The following MCC variants were observed in gnomAD, a reference collection of about 807,000 sequenced individuals.
MCC encodes the protein MCC regulator of Wnt signaling pathway, also known as colorectal mutant cancer protein.
MCC carries 90 observed loss-of-function variants against 116.2 expected under a neutral mutation model. The observed-to-expected ratio is 0.77, with a 90% CI of 0.65 to 0.92. The LOEUF (loss-of-function observed/expected upper bound fraction) is 0.92, where lower values mean the gene tolerates loss of function less well. Ranked by LOEUF, MCC falls within the 40% of genes least tolerant of loss-of-function variation. The probability of loss-of-function intolerance (pLI) is 0.00; values close to 1 mark genes in which losing one functional copy is unlikely to be tolerated. For synonymous variants in MCC, 578 were observed against 510.5 expected, an observed-to-expected ratio of 1.13 and a Z score of -1.78; for missense variants, 1,516 against 1,312.2, an observed-to-expected ratio of 1.16 and a Z score of -2.40.
At chr5:113,363,051 G>A (rs1041567056) in intron 2 of MCC, among the ~76,000 whole-genome samples, 5 of 152,142 alleles carry the variant, frequency 3.3e-5, no homozygotes, top group South Asian at 2.1e-4. Context: ...AGACAGAGGC[G>A]GGCGGATCAC....
intron 2 of MCC, among the ~76,000 whole-genome samples, chr5:113,383,125 T>C (rs903958558): frequency 2.0e-5 from 3 of 150,266 alleles, no homozygotes; most frequent in Admixed American, 1.3e-4. Context: ...AAATATCTAC[T>C]ACACATAAAC....
At chr5:113,223,445 G>T (rs1170454288) in intron 3 of MCC, among the ~76,000 whole-genome samples, 1 of 152,038 alleles carries the variant, frequency 6.6e-6, no homozygotes, top group Non-Finnish European at 1.5e-5. Flanking sequence ...TCTGGCCCTG[G>T]GGATGCGTTT....
intron 5 of MCC, among the ~76,000 whole-genome samples, chr5:113,132,382 AC>A (rs1358894061): frequency 3.2e-5 from 4 of 126,416 alleles, no homozygotes; most frequent in Non-Finnish European, 5.2e-5. Flanking sequence ...GTATATATAT[AC>A]ATACATATAT....
At position 113,046,710 on chromosome 5, in the gene MCC, A is replaced by AAAAAAG; in HGVS notation, c.2655+2382_2655+2383insCTTTTT. Reference sequence around the variant, plus strand: ...CAAAAAAAAAAAAAAAAAAAAAAAAAAGAGAGAGATTTTGAAGGTGTTTGT... The same window carrying AAAAAAG: ...CAAAAAAAAAAAAAAAAAAAAAAAAAAAAAAGAGAGAGAGATTTTGAAGGTGTTTGT... On this transcript the variant is annotated intron_variant, in intron 16 of 18. Transcript: ENST00000408903. Among the ~76,000 whole-genome samples the AAAAAAG allele has an allele frequency of 1.4e-3, 144 of 102,460 alleles. 20 individuals are homozygous for AAAAAAG. The highest frequency in any genetic ancestry group is 4.0e-3 in the African/African-American group (100 of 25,082). The allele number at this position is 102,460 out of a possible 152,430, so 67.2% of individuals were successfully genotyped here.
At chr5:113,156,293 G>A (rs1014216054) in intron 3 of MCC, among the ~76,000 whole-genome samples, 3 of 152,220 alleles carry the variant, frequency 2.0e-5, no homozygotes, top group African/African-American at 7.2e-5. Context: ...TATGCCACTT[G>A]TTGGTGGACT....
At chr5:113,277,020 TATG>T (rs1765856621) in intron 3 of MCC, among the ~76,000 whole-genome samples, 1 of 151,718 alleles carries the variant, frequency 6.6e-6, no homozygotes, top group South Asian at 2.1e-4. Context: ...AAAACTCAAG[TATG>T]ATCCCTTTAA....
intron 17 of MCC, among the ~76,000 whole-genome samples, chr5:113,031,697 A>G (rs188774375): frequency 6.6e-6 from 1 of 152,198 alleles, no homozygotes; most frequent in East Asian, 1.9e-4. Context: ...CCCCACTCCT[A>G]TCCACACTCA....
chr5:113,387,955 C>T (rs751176829), intron 1 of MCC, among the ~76,000 whole-genome samples: 6 of 152,220 alleles, frequency 3.9e-5, no homozygotes, highest in Non-Finnish European at 7.4e-5. Flanking sequence ...GAATACTGAA[C>T]GGAACTGACT....
chr5:113,419,044 T>G (rs1561561342), intron 1 of MCC, among the ~76,000 whole-genome samples: 1 of 152,198 alleles, frequency 6.6e-6, no homozygotes, highest in Admixed American at 6.5e-5. Flanking sequence ...CTAAGAACGT[T>G]AAACACAGAA....
In MCC at chr5:113,023,908, A is replaced by G. The variant is rs1004807644; in HGVS notation, c.*3394T>C. On this transcript the variant is annotated 3_prime_UTR_variant, in exon 19 of 19. Transcript: ENST00000408903. ...AGCAACTATGGAGGTTCTTTAATTC[A>G]TGCCAGGGACACAGGCAGTCCAATC... 6.6e-6 allele frequency: 1 copy of G among 152,254 alleles called. No homozygotes were observed. The allele number at this position is 152,254 out of a possible 1,614,324, so 9.4% of individuals were successfully genotyped here.
At chr5:113,383,324 A>G (rs1310980852) in intron 2 of MCC, among the ~76,000 whole-genome samples, 1 of 152,234 alleles carries the variant, frequency 6.6e-6, no homozygotes, top group Admixed American at 6.5e-5. Flanking sequence ...AAAATCTGAA[A>G]ATACAGCTTA....
Position 113,025,892 on chromosome 5 carries a change from T to A in MCC, c.*1410A>T, listed in dbSNP as rs1750513453. 6.6e-6 allele frequency: 1 copy of A among 152,182 alleles called. No individual in the cohort carries two copies. Among genetic ancestry groups the A allele is most frequent in the African/African-American group, 2.4e-5 (1 of 41,442 alleles). The allele number at this position is 152,182 out of a possible 1,614,324, so 9.4% of individuals were successfully genotyped here. On this transcript the variant is annotated 3_prime_UTR_variant, in exon 19 of 19. Coordinates refer to ENST00000408903, the MANE Select transcript of MCC (RefSeq NM_001085377.2). Reference sequence around the variant, plus strand: ...ACCCGTAGCTTATGGACATAAAGACTCTATGCAGAAACCTCCTCAACTTTA... The same window carrying A: ...ACCCGTAGCTTATGGACATAAAGACACTATGCAGAAACCTCCTCAACTTTA...
chr5:113,468,856 C>T (rs554663070), intron 1 of MCC, among the ~76,000 whole-genome samples: 58 of 152,278 alleles, frequency 3.8e-4, no homozygotes, highest in African/African-American at 1.4e-3. Flanking sequence ...GCCTCAATTT[C>T]AGATCCTGTT....
chr5:113,274,793 A>T (rs1355861101), intron 3 of MCC, among the ~76,000 whole-genome samples: 1 of 152,232 alleles, frequency 6.6e-6, no homozygotes, highest in East Asian at 1.9e-4. Context: ...TGGAATCACT[A>T]AGTATAAATG....
At chr5:113,126,809 G>C (rs1177260565) in intron 5 of MCC, among the ~76,000 whole-genome samples, 1 of 152,200 alleles carries the variant, frequency 6.6e-6, no homozygotes, top group Non-Finnish European at 1.5e-5. Context: ...TGAGTCATGA[G>C]CTATGTGTGG....
intron 14 of MCC, 99 bp downstream of exon 14, chr5:113,063,885 G>A: frequency 2.3e-6 from 3 of 1,326,170 alleles, no homozygotes; most frequent in Non-Finnish European, 3.1e-6. Flanking sequence ...CTTTTCCCAA[G>A]CCACACAGTC....
chr5:113,039,711 GC>G (rs61635777), intron 17 of MCC, among the ~76,000 whole-genome samples: 569 of 52,302 alleles, frequency 0.011, 7 homozygotes, highest in African/African-American at 0.03. Context: ...CCCACTCCGC[GC>G]CCCCCCCCCC....
chr5:113,341,312 C>G (rs1389270413), intron 2 of MCC, among the ~76,000 whole-genome samples: 4 of 151,768 alleles, frequency 2.6e-5, no homozygotes, highest in Non-Finnish European at 5.9e-5. Context: ...TCATTGTAGC[C>G]TCAACCTCCT....
At chr5:113,147,887 C>G (rs984508143) in intron 4 of MCC, among the ~76,000 whole-genome samples, 4 of 152,192 alleles carry the variant, frequency 2.6e-5, no homozygotes, top group Non-Finnish European at 5.9e-5. Flanking sequence ...AAAGAAAAAA[C>G]TCTTTCCATT....
Sources: allele counts gnomAD v4.1 joint callset (sites outside exome capture counted in the v4.1 genomes callset), GRCh38; gene constraint gnomAD v4.1.1; transcripts MANE v1.5; gene names NCBI Gene and HGNC (gene_info 2026-07-23, HGNC 2026-07-21).